Variants in STAC2 observed in about 807,000 individuals in gnomAD.
The protein encoded by STAC2 is SH3 and cysteine rich domain 2.
Under a neutral mutation model 49.0 loss-of-function variants are expected in STAC2, and 36 were observed. The observed-to-expected ratio is 0.74, with a 90% confidence interval of 0.56 to 0.97. The LOEUF is 0.97. Among genes scored for constraint, STAC2 ranks in the 50% least tolerant of loss-of-function variants. The pLI, the probability that STAC2 is intolerant of heterozygous loss-of-function variation, is 0.00. For synonymous variants in STAC2, 239 were observed against 214.7 expected, an observed-to-expected ratio of 1.11 and a Z score of -0.99; for missense variants, 527 against 543.8, an observed-to-expected ratio of 0.97 and a Z score of 0.31.
rs16545 is a variant in STAC2 at position 39,212,161 on chromosome 17, G to T, written c.*131C>A. 8.1e-6 allele frequency: 4 copies of T among 494,270 alleles called. No homozygotes were observed. Among genetic ancestry groups the T allele is most frequent in the South Asian group, 2.3e-5 (1 of 43,686 alleles). The allele number at this position is 494,270 out of a possible 1,614,324, so 30.6% of individuals were successfully genotyped here. A position where few individuals can be genotyped will look rare whatever the true frequency, so the allele number is the denominator to read the frequency against. On this transcript the variant is annotated 3_prime_UTR_variant, in exon 11 of 11. Coordinates refer to ENST00000333461, the MANE Select transcript of STAC2 (RefSeq NM_198993.5). ...CCAGTACAAAAGGCTCCTAAGCCAC[G>T]GTAAGTGGCACCTAGGAGAGGGACA...
chr17:39,217,715 T>G, intron 2 of STAC2, 152 bp downstream of exon 2: 1 of 774,070 alleles, frequency 1.3e-6, no homozygotes, highest in Admixed American at 2.9e-5. Context: ...AGAGCAAGAC[T>G]CTGTCTCAAA....
intron 7 of STAC2, 23 bp downstream of exon 7, chr17:39,214,768 G>A (rs1036290242): frequency 6.2e-7 from 1 of 1,612,626 alleles, no homozygotes; most frequent in Non-Finnish European, 8.5e-7. Context: ...TGACCTTCCG[G>A]GCCAATGCCA....
intron 1 of STAC2, among the ~76,000 whole-genome samples, chr17:39,220,287 G>A (rs2046448522): frequency 6.6e-6 from 1 of 152,180 alleles, no homozygotes; most frequent in Non-Finnish European, 1.5e-5. Context: ...TGGCTCTGGG[G>A]GCTTGGATGG....
Position 39,217,794 on chromosome 17 carries a change from G to A in STAC2, c.397+73C>T, listed in dbSNP as rs878889516. ...AACAGCAAGAGCCCAATAATATTGG[G>A]CGCAACATGAGCCCACTCCCCAGTA... On this transcript the variant is annotated intron_variant, in intron 2 of 10. Coordinates refer to ENST00000333461, the MANE Select transcript of STAC2 (RefSeq NM_198993.5). The A allele has an allele frequency of 1.9e-5, 28 of 1,456,056 alleles. No homozygotes were observed. In the South Asian group the frequency reaches 3.0e-4, roughly 16 times the overall value. 90.2% of individuals were successfully genotyped at this position (1,456,056 alleles called of 1,614,324 possible).
Position 39,212,259 on chromosome 17 carries a change from G to A in STAC2, c.*33C>T. On this transcript the variant is annotated 3_prime_UTR_variant, in exon 11 of 11. Coordinates refer to ENST00000333461, the MANE Select transcript of STAC2 (RefSeq NM_198993.5). ...GGCCAGAAGCAAGGTCCAGGCATGG[G>A]CAAGGGTGTCATCTGGGTTCCCTTG... is the stretch of plus-strand genomic sequence containing the variant. The A allele has an allele frequency of 2.0e-6, 3 of 1,528,468 alleles. No individual in the cohort carries two copies. The highest frequency in any genetic ancestry group is 2.7e-6 in the Non-Finnish European group (3 of 1,112,654). 94.7% of individuals were successfully genotyped at this position (1,528,468 alleles called of 1,614,324 possible).
rs2144221740 is a variant in STAC2, at chr17:39,210,636, G to A, written c.*1656C>T. ...TACAGTGGGCATTGGGCCCGCCCCT[G>A]GGATATTGCTGGGGGGGGGGGCCTC... On this transcript the variant is annotated 3_prime_UTR_variant, in exon 11 of 11. Coordinates refer to ENST00000333461, the MANE Select transcript of STAC2 (RefSeq NM_198993.5). 1 of 145,342 alleles carries A rather than the reference G, an allele frequency of 6.9e-6. No homozygotes were observed. Among genetic ancestry groups the A allele is most frequent in the South Asian group, 2.4e-4 (1 of 4,136 alleles). 9.0% of individuals were successfully genotyped at this position (145,342 alleles called of 1,614,324 possible). A position where few individuals can be genotyped will look rare whatever the true frequency, so the allele number is the denominator to read the frequency against.
intron 1 of STAC2, among the ~76,000 whole-genome samples, chr17:39,220,990 G>C (rs1435987856): frequency 6.7e-6 from 1 of 150,160 alleles, no homozygotes; most frequent in Non-Finnish European, 1.5e-5. Flanking sequence ...TAGAGACGGG[G>C]TTTCACCGTG....
intron 1 of STAC2, among the ~76,000 whole-genome samples, chr17:39,218,579 A>C (rs188179084): frequency 6.6e-6 from 1 of 152,340 alleles, no homozygotes; most frequent in Non-Finnish European, 1.5e-5. Context: ...TAAGTGGTTT[A>C]ATTCCATTTT....
chr17:39,221,616 AGGAG>A (rs937654488), intron 1 of STAC2, among the ~76,000 whole-genome samples: 1 of 152,226 alleles, frequency 6.6e-6, no homozygotes, highest in African/African-American at 2.4e-5. Flanking sequence ...TCACTTACCC[AGGAG>A]TCCTCAGCTG....
At chr17:39,222,962 T>G (rs1368880445) in intron 1 of STAC2, among the ~76,000 whole-genome samples, 6 of 151,816 alleles carry the variant, frequency 4.0e-5, no homozygotes, top group Non-Finnish European at 7.4e-5. Flanking sequence ...CTCCCAGGGG[T>G]GGCAACAAAG....
Position 39,213,506 on chromosome 17 carries a change from C to T in STAC2, c.993+1G>A. On this transcript the variant is annotated splice_donor_variant, in intron 9 of 10. Coordinates refer to ENST00000333461, the MANE Select transcript of STAC2 (RefSeq NM_198993.5). LOFTEE classifies it high-confidence loss of function. ...CTCCACTCCCCACCCTGCCAAGTCA[C>T]CTTCCACCAGTCCTCGTTAGAGTCA... 6.2e-7 allele frequency: 1 copy of T among 1,613,712 alleles called. No individual in the cohort carries two copies. The highest frequency in any genetic ancestry group is 8.5e-7 in the Non-Finnish European group (1 of 1,179,734).
chr17:39,223,269 G>C (rs1452263522), intron 1 of STAC2, among the ~76,000 whole-genome samples: 1 of 152,180 alleles, frequency 6.6e-6, no homozygotes, highest in Non-Finnish European at 1.5e-5. Flanking sequence ...AGCTTCTTTG[G>C]GCCAGGTTGA....
intron 7 of STAC2, 66 bp downstream of exon 7, chr17:39,214,725 A>G (rs1311779903): frequency 1.3e-6 from 2 of 1,561,464 alleles, no homozygotes; most frequent in African/African-American, 2.7e-5. Flanking sequence ...CTATGAATCA[A>G]TGGCAAGGAG....
At chr17:39,216,209 T>G (rs1398620603) in intron 4 of STAC2, among the ~76,000 whole-genome samples, 1 of 151,620 alleles carries the variant, frequency 6.6e-6, no homozygotes, top group Non-Finnish European at 1.5e-5. Context: ...CTCCAACTCC[T>G]GGGCTCAAGC....
rs764136802 is a variant in STAC2 at position 39,217,114 on chromosome 17, A to G, written c.457T>C (p.Ser153Pro). The change falls in exon 3 of 11, where the codon TCT becomes CCT. Residue 153 changes from serine to proline, a missense_variant. Ser to Pro is a moderately conservative substitution (Grantham distance 74). Coordinates refer to ENST00000333461, the MANE Select transcript of STAC2 (RefSeq NM_198993.5). Reference sequence around the variant, plus strand: ...CATTGCTGGTGGGAGATCTCCTCAGAGCACCAGAGGTGGACGCTGACTTTG... The same window carrying G: ...CATTGCTGGTGGGAGATCTCCTCAGGGCACCAGAGGTGGACGCTGACTTTG... ...MCKVSVHLWC[S>P]EEISHQQCPG... is the part of the protein sequence containing the mutation. 1.8e-5 allele frequency: 29 copies of G among 1,613,946 alleles called. No homozygotes were observed. The highest frequency in any genetic ancestry group is 2.7e-5 in the African/African-American group (2 of 74,916).
intron 8 of STAC2, 38 bp from the exon 9 acceptor site, chr17:39,213,596 G>C (rs2046374126): frequency 6.2e-7 from 1 of 1,611,264 alleles, no homozygotes; most frequent in Admixed American, 1.7e-5. Context: ...ATGGAGCAGG[G>C]AGTAGTGCCC....
At chr17:39,214,428 G>C in intron 7 of STAC2, 98 bp from the exon 8 acceptor site, 3 of 1,569,370 alleles carry the variant, frequency 1.9e-6, no homozygotes, top group Non-Finnish European at 2.6e-6. Flanking sequence ...GCTGTGAGGG[G>C]ACACAGTGAG....
At chr17:39,219,759 C>T (rs1333651724) in intron 1 of STAC2, among the ~76,000 whole-genome samples, 15 of 152,208 alleles carry the variant, frequency 9.9e-5, no homozygotes, top group Non-Finnish European at 1.8e-4. Context: ...GTCTGGAAAC[C>T]TCTTGACCCA....
At chr17:39,217,730 A>T in intron 2 of STAC2, 137 bp downstream of exon 2, 1 of 903,710 alleles carries the variant, frequency 1.1e-6, no homozygotes, top group Non-Finnish European at 1.6e-6. Flanking sequence ...CTCAAAAAAA[A>T]AAAGAGGCAC....
Sources: gnomAD v4.1 joint callset for allele counts (sites outside exome capture counted in the v4.1 genomes callset) on GRCh38, gnomAD v4.1.1 for gene constraint, MANE v1.5 for transcripts, NCBI Gene and HGNC (gene_info 2026-07-23, HGNC 2026-07-21) for gene names.